The following SLC38A6 variants were observed in gnomAD, a reference collection of about 807,000 sequenced individuals.
SLC38A6 encodes N system amino acid transporter NAT-1.
SLC38A6 carries 73 observed loss-of-function variants against 65.0 expected under a neutral mutation model. That is an observed-to-expected ratio of 1.12 (90% CI 0.93 to 1.37). The LOEUF is 1.37. Ranked by LOEUF, SLC38A6 falls within the 40% of genes most tolerant of loss-of-function variation. The pLI, the probability that SLC38A6 is intolerant of heterozygous loss-of-function variation, is 0.00. For synonymous variants in SLC38A6, 183 were observed against 178.8 expected (o/e 1.02, Z -0.19); for missense variants, 561 against 531.1 (o/e 1.06, Z -0.55).
chr14:61,015,420 A>ATGAAC (rs2039934412), intron 3 of SLC38A6, among the ~76,000 whole-genome samples: 2 of 152,170 alleles, frequency 1.3e-5, no homozygotes, highest in South Asian at 4.1e-4. Flanking sequence ...CCCCAGTGAG[A>ATGAAC]TGAACCCGGT....
At chr14:61,013,867 G>A (rs939774263) in intron 3 of SLC38A6, among the ~76,000 whole-genome samples, 1 of 152,140 alleles carries the variant, frequency 6.6e-6, no homozygotes. Flanking sequence ...ATGTTTTGGA[G>A]TTGCTCTTCT....
At chr14:61,020,606 A>G (rs1222314632) in intron 5 of SLC38A6, among the ~76,000 whole-genome samples, 1 of 152,166 alleles carries the variant, frequency 6.6e-6, no homozygotes, top group Middle Eastern at 3.2e-3. Flanking sequence ...ATGAAAAAAT[A>G]TGAATAAAAA....
chr14:61,077,768 A>G (rs1323222537), intron 15 of SLC38A6, among the ~76,000 whole-genome samples: 1 of 151,288 alleles, frequency 6.6e-6, no homozygotes, highest in Non-Finnish European at 1.5e-5. Flanking sequence ...GCTTTCCTCA[A>G]TTTTTTTTTC....
intron 3 of SLC38A6, among the ~76,000 whole-genome samples, chr14:60,989,006 C>T (rs1448236844): frequency 6.6e-6 from 1 of 152,230 alleles, no homozygotes; most frequent in African/African-American, 2.4e-5. Context: ...GCTCATTCAT[C>T]TGCTATCTAG....
intron 6 of SLC38A6, among the ~76,000 whole-genome samples, chr14:61,031,869 A>G (rs1283223970): frequency 6.6e-6 from 1 of 151,962 alleles, no homozygotes; most frequent in Non-Finnish European, 1.5e-5. Context: ...TGTTCTATCC[A>G]TTTAATATTC....
In SLC38A6 at chr14:61,045,437, T is replaced by G. The variant is rs776428829; in HGVS notation, c.824+12T>G. 1 of 1,574,392 alleles carries G rather than the reference T, an allele frequency of 6.4e-7. No homozygotes were observed. The highest frequency in any genetic ancestry group is 8.7e-7 in the Non-Finnish European group (1 of 1,147,664). ...TGTGAACTTCAAAGGTACTGTAGAA[T>G]CCTGGAATATTTTAAATATATTGTG... On this transcript the variant is annotated intron_variant, in intron 11 of 15. Transcript: ENST00000267488.
At chr14:60,992,038 G>A (rs1368987274) in intron 3 of SLC38A6, among the ~76,000 whole-genome samples, 2 of 152,140 alleles carry the variant, frequency 1.3e-5, no homozygotes, top group African/African-American at 4.8e-5. Flanking sequence ...TAAAAGTCAG[G>A]GTTCTGTTAC....
chr14:60,995,883 C>T (rs1397172423), intron 3 of SLC38A6, among the ~76,000 whole-genome samples: 5 of 151,968 alleles, frequency 3.3e-5, no homozygotes, highest in South Asian at 2.1e-4. Context: ...GCAGAGGGAG[C>T]GTGAATAGGC....
At chr14:61,051,762 A>C in intron 13 of SLC38A6, 25 bp from the exon 14 acceptor site, 1 of 1,607,852 alleles carries the variant, frequency 6.2e-7, no homozygotes, top group Non-Finnish European at 8.5e-7. Flanking sequence ...CCTCTTCGCT[A>C]TATGTTTATT....
intron 10 of SLC38A6, among the ~76,000 whole-genome samples, chr14:61,043,996 T>C (rs761591074): frequency 9.2e-5 from 14 of 151,940 alleles, no homozygotes; most frequent in Non-Finnish European, 2.1e-4. Flanking sequence ...ATGCCAGGAG[T>C]AGAGACTAGG....
At chr14:61,051,097 C>T (rs1040358046) in intron 13 of SLC38A6, among the ~76,000 whole-genome samples, 4 of 152,094 alleles carry the variant, frequency 2.6e-5, no homozygotes, top group Non-Finnish European at 5.9e-5. Flanking sequence ...ATTTAAGGGG[C>T]AAAACAGATT....
At chr14:61,079,154 T>TTTTG (rs1173745332) in intron 16 of SLC38A6, among the ~76,000 whole-genome samples, 2 of 148,718 alleles carry the variant, frequency 1.3e-5, no homozygotes, top group Non-Finnish European at 3.0e-5. Context: ...TTTTTTTTTT[T>TTTTG]TGAGACAGAG....
intron 3 of SLC38A6, among the ~76,000 whole-genome samples, chr14:61,005,942 A>G (rs1339486897): frequency 1.3e-5 from 2 of 152,194 alleles, no homozygotes; most frequent in Non-Finnish European, 2.9e-5. Context: ...ACAAGGCTAC[A>G]GTAACCAAAA....
intron 15 of SLC38A6, among the ~76,000 whole-genome samples, chr14:61,062,497 CTTTTT>C (rs113203481): frequency 7.1e-6 from 1 of 141,356 alleles, no homozygotes; most frequent in Non-Finnish European, 1.6e-5. Flanking sequence ...TCTCTTTTGC[CTTTTT>C]TTTTTTTAAA....
At chr14:60,994,358 C>T (rs2038117988) in intron 3 of SLC38A6, among the ~76,000 whole-genome samples, 1 of 151,976 alleles carries the variant, frequency 6.6e-6, no homozygotes, top group African/African-American at 2.4e-5. Context: ...CCAACCTGAC[C>T]AACATGGGGA....
intron 5 of SLC38A6, among the ~76,000 whole-genome samples, chr14:61,019,789 C>T (rs1015458543): frequency 1.2e-4 from 18 of 152,042 alleles, no homozygotes; most frequent in Admixed American, 9.8e-4. Flanking sequence ...GAGCTAAACC[C>T]TGATTGCAGT....
At chr14:61,006,659 A>G (rs531505925) in intron 3 of SLC38A6, among the ~76,000 whole-genome samples, 1,837 of 152,360 alleles carry the variant, frequency 0.012, 22 homozygotes, top group Non-Finnish European at 0.016. Context: ...GGCAGTCATT[A>G]AAAAGTCAGG....
chr14:61,052,649 TG>T (rs1478770653), downstream of SLC38A6: 2 of 430,126 alleles, frequency 4.6e-6, no homozygotes, highest in Non-Finnish European at 3.5e-6. Flanking sequence ...GTTGATCTTT[TG>T]TTTTTTAAAT....
chr14:61,017,495 C>G (rs555031830), intron 4 of SLC38A6, among the ~76,000 whole-genome samples: 1 of 152,128 alleles, frequency 6.6e-6, no homozygotes, highest in Non-Finnish European at 1.5e-5. Context: ...TGTTTCTGTT[C>G]TAGAGGATTA....
Sources: allele counts gnomAD v4.1 joint callset (sites outside exome capture counted in the v4.1 genomes callset), GRCh38; gene constraint gnomAD v4.1.1; transcripts MANE v1.5; gene names NCBI Gene and HGNC (gene_info 2026-07-23, HGNC 2026-07-21).